Variants in TNIK observed in about 807,000 individuals in gnomAD.
The protein encoded by TNIK is TRAF2 and NCK interacting kinase, also known as TRAF2 and NCK-interacting protein kinase.
Under a neutral mutation model 191.3 loss-of-function variants are expected in TNIK, and 49 were observed. That is an observed-to-expected ratio of 0.26 (90% CI 0.20 to 0.32). The LOEUF is 0.32. Ranked by LOEUF, TNIK falls within the 10% of genes least tolerant of loss-of-function variation. TNIK has a pLI of 1.00. For missense variants in TNIK, 1,155 were observed against 1,702.3 expected (o/e 0.68, Z 5.66); for synonymous variants, 594 against 600.9 (o/e 0.99, Z 0.17).
intron 4 of TNIK, among the ~76,000 whole-genome samples, chr3:171,208,456 TC>T (rs1168321521): frequency 6.6e-6 from 1 of 152,162 alleles, no homozygotes; most frequent in African/African-American, 2.4e-5. Context: ...ATATCAGATA[TC>T]CCCACCAAGT....
intron 16 of TNIK, 43 bp downstream of exon 16, chr3:171,128,671 T>G: frequency 3.2e-6 from 5 of 1,569,314 alleles, no homozygotes; most frequent in Non-Finnish European, 4.3e-6. Context: ...GGTTTTCTTG[T>G]GCAACTTATT....
intron 1 of TNIK, among the ~76,000 whole-genome samples, chr3:171,404,006 A>G (rs1721328861): frequency 6.6e-6 from 1 of 152,240 alleles, no homozygotes. Context: ...CCTTGAAAAT[A>G]AAATCAGTGA....
intron 3 of TNIK, among the ~76,000 whole-genome samples, chr3:171,217,138 G>A (rs76007221): frequency 0.046 from 6,934 of 152,138 alleles, 220 homozygotes; most frequent in Non-Finnish European, 0.07. Flanking sequence ...GCAAAGACAT[G>A]GAATCAACCT....
intron 5 of TNIK, among the ~76,000 whole-genome samples, chr3:171,191,426 CAG>C (rs1247865657): frequency 6.6e-6 from 1 of 152,146 alleles, no homozygotes; most frequent in Non-Finnish European, 1.5e-5. Context: ...TTAGTACAGA[CAG>C]GGTTTCACCA....
At chr3:171,297,434 T>TA (rs1172985081) in intron 2 of TNIK, among the ~76,000 whole-genome samples, 14 of 152,222 alleles carry the variant, frequency 9.2e-5, no homozygotes, top group Non-Finnish European at 2.1e-4. Context: ...TAGAAACTGC[T>TA]GGTTTCCCTC....
At chr3:171,155,192 T>G (rs567300814) in intron 12 of TNIK, among the ~76,000 whole-genome samples, 146 of 152,268 alleles carry the variant, frequency 9.6e-4, no homozygotes, top group African/African-American at 3.3e-3. Context: ...TATATGACAA[T>G]GTAGTCCAAG....
intron 2 of TNIK, among the ~76,000 whole-genome samples, chr3:171,297,463 T>C (rs1220858673): frequency 6.6e-6 from 1 of 152,200 alleles, no homozygotes; most frequent in African/African-American, 2.4e-5. Context: ...TTAATAAAAC[T>C]AACTTTATTG....
intron 22 of TNIK, among the ~76,000 whole-genome samples, chr3:171,097,630 G>A (rs1258314157): frequency 6.6e-6 from 1 of 152,202 alleles, no homozygotes; most frequent in Non-Finnish European, 1.5e-5. Context: ...CTTGCCTGCT[G>A]CCATGTAAGA....
At chr3:171,221,565 G>A (rs1036893789) in intron 3 of TNIK, among the ~76,000 whole-genome samples, 1 of 152,132 alleles carries the variant, frequency 6.6e-6, no homozygotes, top group Admixed American at 6.6e-5. Flanking sequence ...ACTGCTAAAT[G>A]TCTTGTACTA....
intron 4 of TNIK, among the ~76,000 whole-genome samples, chr3:171,199,810 T>C (rs540573361): frequency 6.6e-6 from 1 of 152,380 alleles, no homozygotes; most frequent in East Asian, 1.9e-4. Context: ...ATGGATATAA[T>C]GCTGCTAGCA....
intron 12 of TNIK, among the ~76,000 whole-genome samples, chr3:171,149,982 G>A (rs933989789): frequency 6.6e-6 from 1 of 152,184 alleles, no homozygotes; most frequent in African/African-American, 2.4e-5. Context: ...CTGAGATGGG[G>A]GAATTAATTT....
intron 12 of TNIK, 28 bp downstream of exon 12, chr3:171,157,432 G>C: frequency 6.4e-7 from 1 of 1,550,498 alleles, no homozygotes; most frequent in Non-Finnish European, 8.7e-7. Flanking sequence ...GAGGCTTGGG[G>C]TCAGAGGTGG....
chr3:171,194,597 G>A lies in TNIK; in HGVS notation c.345C>T (p.Asp115=). 1 of 1,613,872 alleles carries A rather than the reference G, an allele frequency of 6.2e-7. No homozygotes were observed. The highest frequency in any genetic ancestry group is 8.5e-7 in the Non-Finnish European group (1 of 1,179,868). ...TGTTACCTTTTGTGTTCTTGATCAG[G>A]TCGGTGACAGAGCCAGCACCACAAA... ...MEFCGAGSVT[D]LIKNTKGNTL... is the part of the protein sequence containing the mutation. The change falls in exon 5 of 33, where the codon GAC becomes GAT. Residue 115 remains aspartate (D), a synonymous_variant. Coordinates refer to ENST00000436636, the MANE Select transcript of TNIK (RefSeq NM_015028.4).
chr3:171,446,837 C>T (rs1042779455), intron 1 of TNIK, among the ~76,000 whole-genome samples: 1 of 152,192 alleles, frequency 6.6e-6, no homozygotes, highest in African/African-American at 2.4e-5. Context: ...ACCTTTGAGC[C>T]TGATTCCACA....
intron 2 of TNIK, among the ~76,000 whole-genome samples, chr3:171,321,146 A>G (rs1755128946): frequency 6.6e-6 from 1 of 152,242 alleles, no homozygotes; most frequent in South Asian, 2.1e-4. Context: ...ACAGCTGTGC[A>G]GACTGATTTC....
chr3:171,363,379 T>C (rs1248570138), intron 2 of TNIK, among the ~76,000 whole-genome samples: 2 of 152,224 alleles, frequency 1.3e-5, no homozygotes, highest in Non-Finnish European at 2.9e-5. Context: ...ATAATCTGAT[T>C]ACGCACTTCT....
chr3:171,218,151 C>T (rs559969174), intron 3 of TNIK, among the ~76,000 whole-genome samples: 3 of 152,184 alleles, frequency 2.0e-5, no homozygotes, highest in East Asian at 1.9e-4. Flanking sequence ...GAATAAAGAA[C>T]ATTAAGCAAT....
At chr3:171,387,336 C>T (rs1302700573) in intron 1 of TNIK, among the ~76,000 whole-genome samples, 1 of 152,110 alleles carries the variant, frequency 6.6e-6, no homozygotes, top group Non-Finnish European at 1.5e-5. Flanking sequence ...AGTCATTAAC[C>T]ATACTATAGT....
chr3:171,111,965 G>A (rs1450498889), intron 18 of TNIK, among the ~76,000 whole-genome samples: 1 of 152,148 alleles, frequency 6.6e-6, no homozygotes, highest in Non-Finnish European at 1.5e-5. Context: ...GTTTCACTTG[G>A]ACAGCATGAG....
Sources: allele counts gnomAD v4.1 joint callset (sites outside exome capture counted in the v4.1 genomes callset), GRCh38; gene constraint gnomAD v4.1.1; transcripts MANE v1.5; gene names NCBI Gene and HGNC (gene_info 2026-07-23, HGNC 2026-07-21).